DNAH14: variants seen among roughly 807,000 people sequenced by gnomAD.
DNAH14 encodes dynein axonemal heavy chain 14.
A neutral mutation model predicts 520.9 loss-of-function variants in DNAH14; 478 were observed. The ratio of observed to expected loss-of-function variants is 0.92; its 90% CI spans 0.85 to 0.99. The LOEUF (loss-of-function observed/expected upper bound fraction) is 0.99, where lower values mean the gene tolerates loss of function less well. DNAH14 is among the 50% of genes least tolerant of loss of function. The pLI is 0.00. For missense variants in DNAH14, 4,831 were observed against 5,234.5 expected, an observed-to-expected ratio of 0.92 and a Z score of 2.38; for synonymous variants, 1,581 against 1,757.2, an observed-to-expected ratio of 0.90 and a Z score of 2.51.
In DNAH14 at chr1:225,300,948, C is replaced by G. The variant is rs2094127468; in HGVS notation, c.8549C>G (p.Ser2850Cys). The change falls in exon 56 of 86, where the codon TCT (serine) becomes TGT (cysteine). Residue 2850 changes from serine (S) to cysteine (C), a missense_variant. Physicochemically the swap from Ser to Cys is moderately radical, Grantham distance 112 (BLOSUM62 -1). Coordinates refer to ENST00000682510, the MANE Select transcript of DNAH14 (RefSeq NM_001367479.1). ...PDLFENVELDSIAMKIRYLTE... is the reference protein window; with the variant it reads ...PDLFENVELDCIAMKIRYLTE... The stretch of plus-strand genomic sequence containing the variant: ...CTGTTTGAAAATGTTGAGCTGGATT[C>G]TATTGCAATGAAAATCAGATATCTT... 1 of 1,551,266 alleles carries G rather than the reference C, an allele frequency of 6.4e-7. No individual in the cohort carries two copies. Among genetic ancestry groups the G allele is most frequent in the African/African-American group, 1.4e-5 (1 of 73,020 alleles).
chr1:225,193,403 A>G (rs2149357828), intron 38 of DNAH14, among the ~76,000 whole-genome samples: 1 of 152,280 alleles, frequency 6.6e-6, no homozygotes, highest in South Asian at 2.1e-4. Context: ...AAAACCAAAC[A>G]GAGAAGCCAG....
chr1:225,325,582 A>G lies in DNAH14; in HGVS notation c.9723+750A>G, dbSNP rs903694277. On this transcript the variant is annotated intron_variant, in intron 64 of 85. Coordinates refer to ENST00000682510, the MANE Select transcript of DNAH14 (RefSeq NM_001367479.1). ...TTATTCCTTAAATGTCTTGATTTTA[A>G]ATTAAAATACAGTATCATTATCATT... 2.6e-5 allele frequency among the ~76,000 whole-genome samples: 4 copies of G among 152,164 alleles called. No homozygotes were observed. In the South Asian group the frequency reaches 8.3e-4, roughly 32 times the overall value.
chr1:225,280,427 A>G (rs2093601303), intron 54 of DNAH14, among the ~76,000 whole-genome samples: 2 of 151,960 alleles, frequency 1.3e-5, no homozygotes, highest in Admixed American at 6.6e-5. Flanking sequence ...GTGAAACCCC[A>G]TCTCTACTAA....
chr1:225,258,478 T>A (rs1203604331), intron 45 of DNAH14, among the ~76,000 whole-genome samples: 1 of 152,190 alleles, frequency 6.6e-6, no homozygotes, highest in African/African-American at 2.4e-5. Context: ...AATCCAATAT[T>A]AAGATTTTTC....
intron 7 of DNAH14, among the ~76,000 whole-genome samples, chr1:224,973,396 T>A (rs2061618021): frequency 6.6e-6 from 1 of 152,190 alleles, no homozygotes; most frequent in Admixed American, 6.5e-5. Context: ...TTAAAGGTGG[T>A]TGTTTTCCTC....
At chr1:225,033,334 A>T (rs1412995217) in intron 11 of DNAH14, among the ~76,000 whole-genome samples, 2 of 152,038 alleles carry the variant, frequency 1.3e-5, no homozygotes, top group African/African-American at 2.4e-5. Flanking sequence ...TTGAATGGGG[A>T]GTGTTTCCCT....
chr1:224,955,274 C>CGTA (rs2060439338), intron 3 of DNAH14, among the ~76,000 whole-genome samples, 176 bp downstream of exon 3: 1 of 143,260 alleles, frequency 7.0e-6, no homozygotes, highest in African/African-American at 2.9e-5. Context: ...ATAACGGGAA[C>CGTA]ATTAACTACT....
chr1:225,030,467 G>A (rs934546900), intron 11 of DNAH14, among the ~76,000 whole-genome samples: 2 of 151,932 alleles, frequency 1.3e-5, no homozygotes, highest in African/African-American at 2.4e-5. Context: ...TAATGCAACA[G>A]CATGATGAAT....
chr1:225,229,007 T>C (rs964078065), intron 41 of DNAH14, among the ~76,000 whole-genome samples: 1 of 152,202 alleles, frequency 6.6e-6, no homozygotes, highest in Non-Finnish European at 1.5e-5. Context: ...CCTTTGATCT[T>C]TCGTGTGCAG....
At chr1:225,347,495 TGCATCCAGTGTTCTG>T (rs1221874702) in intron 71 of DNAH14, among the ~76,000 whole-genome samples, 4 of 152,180 alleles carry the variant, frequency 2.6e-5, no homozygotes, top group Non-Finnish European at 5.9e-5. Context: ...GAGTAGACAG[TGCATCCAGTGTTCTG>T]GCTTGTCTAG....
intron 55 of DNAH14, among the ~76,000 whole-genome samples, chr1:225,291,412 A>G (rs573112675): frequency 8.9e-4 from 135 of 151,620 alleles, no homozygotes; most frequent in Non-Finnish European, 1.6e-3. Flanking sequence ...TGATCATTTT[A>G]TTTGCAGTTT....
intron 17 of DNAH14, among the ~76,000 whole-genome samples, chr1:225,078,391 C>T (rs2072555530): frequency 6.6e-6 from 1 of 152,168 alleles, no homozygotes; most frequent in South Asian, 2.1e-4. Flanking sequence ...ATGCACCGTT[C>T]ACATTTCAGT....
At chr1:225,145,701 T>C (rs2079868980) in intron 30 of DNAH14, among the ~76,000 whole-genome samples, 1 of 152,200 alleles carries the variant, frequency 6.6e-6, no homozygotes, top group African/African-American at 2.4e-5. Context: ...GAGTACTGCT[T>C]TATTAACATA....
chr1:225,337,808 A>G (rs2095090285), intron 67 of DNAH14, among the ~76,000 whole-genome samples: 1 of 152,200 alleles, frequency 6.6e-6, no homozygotes, highest in South Asian at 2.1e-4. Flanking sequence ...ATGTGTAATA[A>G]TCACATCATG....
Position 225,152,751 on chromosome 1 carries a change from G to C in DNAH14, c.5064G>C (p.Val1688=), listed in dbSNP as rs1200003533. The C allele has an allele frequency of 6.4e-7, 1 of 1,551,288 alleles. No individual in the cohort carries two copies. The highest frequency in any genetic ancestry group is 8.7e-7 in the Non-Finnish European group (1 of 1,146,790). The change falls in exon 33 of 86, where the codon GTG becomes GTC. Residue 1688 remains valine (V), a synonymous_variant. Coordinates refer to ENST00000682510, the MANE Select transcript of DNAH14 (RefSeq NM_001367479.1). ...PDNLKSLFRP[V]AMMVPHYQMI... is the part of the protein sequence containing the mutation. ...ACTTAAAATCTCTGTTTCGCCCAGTGGCAATGATGGTGCCCCATTATCAAA... is the reference window on the plus strand; with the variant it reads ...ACTTAAAATCTCTGTTTCGCCCAGTCGCAATGATGGTGCCCCATTATCAAA...
At chr1:225,184,400 G>A (rs189291967) in intron 36 of DNAH14, among the ~76,000 whole-genome samples, 17 of 152,120 alleles carry the variant, frequency 1.1e-4, no homozygotes, top group Admixed American at 7.9e-4. Context: ...TGAGTGGATC[G>A]CTTGAGACTA....
chr1:225,218,889 A>AT (rs1235187666), intron 41 of DNAH14, among the ~76,000 whole-genome samples: 1 of 152,176 alleles, frequency 6.6e-6, no homozygotes, highest in African/African-American at 2.4e-5. Context: ...CTTTTTCTAA[A>AT]ATTGACCACA....
chr1:225,207,735 G>C (rs903937725), intron 41 of DNAH14, among the ~76,000 whole-genome samples: 4 of 152,114 alleles, frequency 2.6e-5, no homozygotes, highest in South Asian at 2.1e-4. Flanking sequence ...ATTAGCACAG[G>C]CTCCCAATTC....
chr1:225,080,147 A>T (rs1025112972), intron 18 of DNAH14, among the ~76,000 whole-genome samples: 1 of 152,198 alleles, frequency 6.6e-6, no homozygotes, highest in Admixed American at 6.5e-5. Context: ...CTTTTACCAT[A>T]GGCTTCAAGA....
Sources: allele counts gnomAD v4.1 joint callset (sites outside exome capture counted in the v4.1 genomes callset), GRCh38; gene constraint gnomAD v4.1.1; transcripts MANE v1.5; gene names NCBI Gene and HGNC (gene_info 2026-07-23, HGNC 2026-07-21).